POM121: variants seen among roughly 807,000 people sequenced by gnomAD.
POM121 encodes the protein nuclear envelope pore membrane protein POM 121.
A neutral mutation model predicts 81.3 loss-of-function variants in POM121; 32 were observed. That is an observed-to-expected ratio of 0.39 (90% CI 0.30 to 0.53). The LOEUF is 0.53. Among genes scored for constraint, POM121 ranks in the 20% least tolerant of loss-of-function variants. The pLI is 0.66. For missense variants in POM121, 1,138 were observed against 1,614.6 expected, an observed-to-expected ratio of 0.70 and a Z score of 5.06; for synonymous variants, 514 against 694.2, an observed-to-expected ratio of 0.74 and a Z score of 4.08.
intron 5 of POM121, among the ~76,000 whole-genome samples, chr7:72,935,130 G>C (rs1225431059): frequency 9.3e-5 from 14 of 150,730 alleles, no homozygotes; most frequent in African/African-American, 3.4e-4. Context: ...TTACAATATT[G>C]ACCTTGTTTA....
chr7:72,936,408 G>T (rs1451435718), intron 5 of POM121, among the ~76,000 whole-genome samples: 1 of 151,632 alleles, frequency 6.6e-6, no homozygotes. Context: ...CTCCCAAGTA[G>T]CTGGGACTAC....
intron 5 of POM121, among the ~76,000 whole-genome samples, chr7:72,930,336 G>T (rs1795889917): frequency 6.6e-6 from 1 of 152,218 alleles, no homozygotes; most frequent in Non-Finnish European, 1.5e-5. Flanking sequence ...TAATTGATTA[G>T]CAAAGGTTTA....
intron 3 of POM121, among the ~76,000 whole-genome samples, chr7:72,894,136 C>T (rs1211016051): frequency 4.6e-5 from 7 of 152,040 alleles, no homozygotes; most frequent in South Asian, 2.1e-4. Context: ...TGGTGACACG[C>T]GCCTGTAGTC....
intron 1 of POM121, among the ~76,000 whole-genome samples, chr7:72,884,308 G>A (rs1451843509): frequency 4.6e-5 from 7 of 152,006 alleles, no homozygotes; most frequent in Admixed American, 6.6e-5. Flanking sequence ...AGGGTATTTT[G>A]TTTTGTTACC....
At chr7:72,917,061 A>G (rs1464005165) in intron 4 of POM121, among the ~76,000 whole-genome samples, 1 of 152,198 alleles carries the variant, frequency 6.6e-6, no homozygotes, top group African/African-American at 2.4e-5. Context: ...TGGCATTTAG[A>G]TGATACTTCT....
chr7:72,899,831 G>A (rs1162596529), intron 3 of POM121, among the ~76,000 whole-genome samples: 17 of 151,754 alleles, frequency 1.1e-4, no homozygotes, highest in African/African-American at 2.7e-4. Context: ...CACCCACCTC[G>A]GCCTCCCAAA....
chr7:72,936,293 G>T (rs1270240290), intron 5 of POM121, among the ~76,000 whole-genome samples: 2 of 151,374 alleles, frequency 1.3e-5, no homozygotes, highest in Non-Finnish European at 2.9e-5. Flanking sequence ...CTCCCAAAGT[G>T]TTGGGATTAC....
chr7:72,905,636 G>T (rs1277320435), intron 3 of POM121, among the ~76,000 whole-genome samples: 1 of 152,216 alleles, frequency 6.6e-6, no homozygotes, highest in Non-Finnish European at 1.5e-5. Context: ...GGAGGCGGAG[G>T]TTGCAGTAAG....
intron 4 of POM121, 71 bp downstream of exon 4, chr7:72,928,536 A>G (rs1554498014): frequency 2.6e-6 from 4 of 1,539,402 alleles, no homozygotes; most frequent in African/African-American, 1.4e-5. Context: ...GTTGCCCTAT[A>G]GATTTTCCTC....
At chr7:72,888,215 A>T (rs797040016) in intron 1 of POM121, among the ~76,000 whole-genome samples, 7 of 151,620 alleles carry the variant, frequency 4.6e-5, no homozygotes, top group African/African-American at 1.7e-4. Flanking sequence ...GCTGTTTTTG[A>T]TTTTCTTCCA....
At chr7:72,889,538 G>T (rs1172484937) in intron 1 of POM121, among the ~76,000 whole-genome samples, 1 of 151,162 alleles carries the variant, frequency 6.6e-6, no homozygotes, top group East Asian at 1.9e-4. Flanking sequence ...ACAAGGTCTC[G>T]CTCTGTTGCC....
At chr7:72,945,290 CCA>C (rs752432126) in intron 11 of POM121, among the ~76,000 whole-genome samples, 6 of 152,060 alleles carry the variant, frequency 3.9e-5, no homozygotes, top group Non-Finnish European at 8.8e-5. Flanking sequence ...GGCGGGGGCC[CCA>C]GAGTACTCCC....
intron 3 of POM121, among the ~76,000 whole-genome samples, chr7:72,904,642 A>T (rs561716518): frequency 6.6e-6 from 1 of 152,304 alleles, no homozygotes; most frequent in Admixed American, 6.5e-5. Context: ...GCAAGTAAAA[A>T]AACCCAGTTT....
At chr7:72,950,458 G>C (rs1797975027), downstream of POM121, 1 of 489,820 alleles carries the variant, frequency 2.0e-6, no homozygotes, top group Non-Finnish European at 3.7e-6. Context: ...TAAAATAGTA[G>C]GTGTGAGGAT....
At chr7:72,911,235 C>T (rs544073613) in intron 3 of POM121, among the ~76,000 whole-genome samples, 1 of 152,364 alleles carries the variant, frequency 6.6e-6, no homozygotes, top group Non-Finnish European at 1.5e-5. Context: ...CTGCCTGCCT[C>T]GGCCTCCCAG....
chr7:72,916,904 T>C (rs1794339552), intron 4 of POM121, among the ~76,000 whole-genome samples: 1 of 152,190 alleles, frequency 6.6e-6, no homozygotes, highest in Admixed American at 6.5e-5. Flanking sequence ...TTTTAAAAAG[T>C]TTTTGTCTGC....
chr7:72,923,589 A>ATTTTTTTT (rs1187827150), upstream of POM121, among the ~76,000 whole-genome samples: 9 of 88,766 alleles, frequency 1.0e-4, 1 homozygote, highest in Admixed American at 9.1e-4. Context: ...CGCCCGGCTA[A>ATTTTTTTT]TTTTTTTTTT....
chr7:72,917,710 TC>T (rs1405266692), intron 4 of POM121, among the ~76,000 whole-genome samples: 2 of 152,134 alleles, frequency 1.3e-5, no homozygotes, highest in African/African-American at 4.8e-5. Context: ...TCGGTGGGCT[TC>T]TCCCTGTGTG....
At chr7:72,945,786 T>C (rs1554503081) in intron 12 of POM121, 78 bp downstream of exon 12, 6 of 1,525,064 alleles carry the variant, frequency 3.9e-6, no homozygotes, top group African/African-American at 1.4e-5. Flanking sequence ...CCTGGTCCTC[T>C]GAGGCCCGGT....
Sources: allele counts gnomAD v4.1 joint callset (sites outside exome capture counted in the v4.1 genomes callset), GRCh38; gene constraint gnomAD v4.1.1; transcripts MANE v1.5; gene names NCBI Gene and HGNC (gene_info 2026-07-23, HGNC 2026-07-21).